ERC1: variants seen among roughly 807,000 people sequenced by gnomAD.
ERC1 encodes RAB6 interacting protein 2.
Under a neutral mutation model 132.0 loss-of-function variants are expected in ERC1, and 56 were observed. The ratio of observed to expected loss-of-function variants is 0.42; its 90% CI spans 0.34 to 0.53. The LOEUF (loss-of-function observed/expected upper bound fraction) is 0.53, where lower values mean the gene tolerates loss of function less well. Ranked by LOEUF, ERC1 falls within the 20% of genes least tolerant of loss-of-function variation. The pLI is 0.03. For synonymous variants in ERC1, 478 were observed against 476.1 expected (o/e 1.00, Z -0.05); for missense variants, 1,202 against 1,349.9 (o/e 0.89, Z 1.72).
At chr12:1,007,594 T>C (rs1963959895) in intron 1 of ERC1, among the ~76,000 whole-genome samples, 1 of 148,308 alleles carries the variant, frequency 6.7e-6, no homozygotes, top group Non-Finnish European at 1.5e-5. Flanking sequence ...GAAAGGACAG[T>C]TAGTTGATGG....
At chr12:1,348,174 C>G (rs773924712) in intron 15 of ERC1, among the ~76,000 whole-genome samples, 5 of 152,130 alleles carry the variant, frequency 3.3e-5, no homozygotes, top group Non-Finnish European at 7.4e-5. Flanking sequence ...AATGATCTAC[C>G]AGTGCCTCTT....
intron 16 of ERC1, chr12:1,380,345 A>T (rs764339243): frequency 6.6e-6 from 1 of 152,210 alleles, no homozygotes; most frequent in Non-Finnish European, 1.5e-5. Flanking sequence ...CAGAAAGCGC[A>T]TGCATCCTCG....
At chr12:1,252,873 G>A (rs1051919761) in intron 13 of ERC1, among the ~76,000 whole-genome samples, 1 of 152,164 alleles carries the variant, frequency 6.6e-6, no homozygotes, top group Non-Finnish European at 1.5e-5. Context: ...CTGACATGTT[G>A]AATGATTTTA....
chr12:1,029,495 G>C (rs1592796003), intron 2 of ERC1, among the ~76,000 whole-genome samples: 1 of 152,174 alleles, frequency 6.6e-6, no homozygotes, highest in African/African-American at 2.4e-5. Flanking sequence ...GTGGAGGAAA[G>C]GCAACTTGGT....
At chr12:1,113,815 G>A (rs183387525) in intron 6 of ERC1, among the ~76,000 whole-genome samples, 15 of 152,222 alleles carry the variant, frequency 9.9e-5, no homozygotes, top group Admixed American at 5.9e-4. Context: ...AGTGGCATTC[G>A]TATAATTTCT....
At chr12:1,083,755 A>T (rs939908614) in intron 3 of ERC1, among the ~76,000 whole-genome samples, 175 bp downstream of exon 3, 1 of 152,090 alleles carries the variant, frequency 6.6e-6, no homozygotes, top group African/African-American at 2.4e-5. Context: ...GTTGTATGGG[A>T]TGACATTGTC....
rs1351300509 is a variant in ERC1, at chr12:1,495,217, TC to T, written c.*4989del. ...CTCCTGCCCACTTGGTGCTATCTCT[TC>T]CAGTGACCACCCAGCACGGGTGAGC... On this transcript the variant is annotated 3_prime_UTR_variant, in exon 19 of 19. Transcript: ENST00000360905. 8.7e-6 allele frequency: 2 copies of T among 230,572 alleles called. No individual in the cohort carries two copies. The highest frequency in any genetic ancestry group is 2.2e-5 in the African/African-American group (1 of 45,190). 14.3% of individuals were successfully genotyped at this position (230,572 alleles called of 1,614,324 possible). A position where few individuals can be genotyped will look rare whatever the true frequency, so the allele number is the denominator to read the frequency against.
intron 15 of ERC1, among the ~76,000 whole-genome samples, chr12:1,319,922 GCTT>G (rs757423199): frequency 1.3e-5 from 2 of 152,086 alleles, no homozygotes; most frequent in East Asian, 1.9e-4. Context: ...CAGGGGGGCG[GCTT>G]CTTATTTTTA....
intron 15 of ERC1, among the ~76,000 whole-genome samples, chr12:1,366,429 A>G (rs2086669003): frequency 6.6e-6 from 1 of 152,226 alleles, no homozygotes; most frequent in Non-Finnish European, 1.5e-5. Flanking sequence ...GAATGGAGAG[A>G]AATTAGCAGT....
chr12:1,229,310 T>G (rs551946334), intron 12 of ERC1, among the ~76,000 whole-genome samples: 1 of 152,152 alleles, frequency 6.6e-6, no homozygotes, highest in East Asian at 1.9e-4. Flanking sequence ...GAGACCAAAC[T>G]GGGTAACATA....
At chr12:1,038,931 C>T (rs1374320722) in intron 2 of ERC1, among the ~76,000 whole-genome samples, 3 of 152,088 alleles carry the variant, frequency 2.0e-5, no homozygotes, top group South Asian at 2.1e-4. Flanking sequence ...AGGCAGGGAA[C>T]GATGGCTCGT....
chr12:1,288,284 T>C (rs2079172858), intron 14 of ERC1, among the ~76,000 whole-genome samples: 3 of 152,246 alleles, frequency 2.0e-5, no homozygotes, highest in African/African-American at 7.2e-5. Context: ...TTTTTGTTTG[T>C]TTGTTTGTTT....
intron 2 of ERC1, among the ~76,000 whole-genome samples, chr12:1,038,984 A>T (rs1054969157): frequency 1.3e-5 from 2 of 151,846 alleles, no homozygotes; most frequent in African/African-American, 4.8e-5. Flanking sequence ...TGGGCAGGTT[A>T]CTTGAGCCCA....
chr12:1,413,190 A>G (rs1349739219), intron 17 of ERC1, among the ~76,000 whole-genome samples: 1 of 152,172 alleles, frequency 6.6e-6, no homozygotes, highest in African/African-American at 2.4e-5. Context: ...GAAATCTTTG[A>G]AAGAATTAGC....
At chr12:1,346,113 A>T (rs1405860135) in intron 15 of ERC1, among the ~76,000 whole-genome samples, 1 of 152,142 alleles carries the variant, frequency 6.6e-6, no homozygotes, top group African/African-American at 2.4e-5. Context: ...GACTATTCTC[A>T]GCTGGATCTC....
At chr12:1,250,021 A>C (rs1160475108) in intron 13 of ERC1, among the ~76,000 whole-genome samples, 1 of 152,184 alleles carries the variant, frequency 6.6e-6, no homozygotes, top group Admixed American at 6.5e-5. Context: ...GAATTTTGGG[A>C]GCACACAAAA....
At chr12:1,065,598 C>CG (rs34191079) in intron 2 of ERC1, among the ~76,000 whole-genome samples, 180 of 141,888 alleles carry the variant, frequency 1.3e-3, no homozygotes, top group Non-Finnish European at 2.0e-3. Flanking sequence ...TTTTTTGGGG[C>CG]GGGGGGGGAC....
At chr12:1,232,837 G>T (rs1049041640) in intron 12 of ERC1, among the ~76,000 whole-genome samples, 2 of 151,620 alleles carry the variant, frequency 1.3e-5, no homozygotes, top group Admixed American at 6.6e-5. Context: ...AGTCATAAGG[G>T]CTTTATTGGT....
intron 15 of ERC1, among the ~76,000 whole-genome samples, chr12:1,293,218 G>C (rs1440643526): frequency 6.6e-6 from 1 of 150,900 alleles, no homozygotes; most frequent in Admixed American, 6.6e-5. Flanking sequence ...ACTTTGGGAG[G>C]CTGAGGCGGG....
Sources: allele counts gnomAD v4.1 joint callset (sites outside exome capture counted in the v4.1 genomes callset), GRCh38; gene constraint gnomAD v4.1.1; transcripts MANE v1.5; gene names NCBI Gene and HGNC (gene_info 2026-07-23, HGNC 2026-07-21).